Variants in ANKS1B observed in about 807,000 individuals in gnomAD.
ANKS1B encodes ankyrin repeat and sterile alpha motif domain-containing protein 1B.
Under a neutral mutation model 148.3 loss-of-function variants are expected in ANKS1B, and 36 were observed. That is an observed-to-expected ratio of 0.24 (90% confidence interval 0.19 to 0.32). The LOEUF (loss-of-function observed/expected upper bound fraction) is 0.32. Ranked by LOEUF, ANKS1B falls within the 10% of genes least tolerant of loss-of-function variation. ANKS1B has a pLI of 1.00. For synonymous variants in ANKS1B, 542 were observed against 560.8 expected (o/e 0.97, Z 0.47); for missense variants, 1,157 against 1,542.6 (o/e 0.75, Z 4.19).
At chr12:99,894,153 T>C (rs1221672610) in intron 1 of ANKS1B, among the ~76,000 whole-genome samples, 1 of 151,526 alleles carries the variant, frequency 6.6e-6, no homozygotes, top group Non-Finnish European at 1.5e-5. Flanking sequence ...GCGCAGTGAC[T>C]CACACCTATA....
chr12:99,153,507 T>C (rs1566487443), intron 15 of ANKS1B, among the ~76,000 whole-genome samples: 1 of 152,130 alleles, frequency 6.6e-6, no homozygotes, highest in Non-Finnish European at 1.5e-5. Context: ...TGGGAATGAT[T>C]AGAAAGCTGA....
At chr12:99,548,373 C>T (rs919078900) in intron 9 of ANKS1B, among the ~76,000 whole-genome samples, 2 of 98,044 alleles carry the variant, frequency 2.0e-5, no homozygotes, top group Non-Finnish European at 4.6e-5. Context: ...CTTTCTAATC[C>T]CCAACAGTTT....
intron 8 of ANKS1B, among the ~76,000 whole-genome samples, chr12:99,670,978 T>C (rs889943259): frequency 3.9e-5 from 6 of 152,208 alleles, no homozygotes; most frequent in African/African-American, 9.6e-5. Flanking sequence ...GGCACAATTT[T>C]CTACTTCTTA....
chr12:99,000,505 G>A (rs531279520), intron 17 of ANKS1B, among the ~76,000 whole-genome samples: 2 of 152,266 alleles, frequency 1.3e-5, no homozygotes, highest in East Asian at 3.9e-4. Flanking sequence ...CTGGCCTCAA[G>A]TGATCCTCCT....
intron 16 of ANKS1B, among the ~76,000 whole-genome samples, chr12:99,066,451 G>A (rs375499761): frequency 6.6e-6 from 1 of 152,300 alleles, no homozygotes; most frequent in African/African-American, 2.4e-5. Context: ...AAATAACAAG[G>A]AGACCAATGG....
chr12:98,759,250 T>C (rs960141695), intron 25 of ANKS1B, among the ~76,000 whole-genome samples: 1 of 152,200 alleles, frequency 6.6e-6, no homozygotes, highest in African/African-American at 2.4e-5. Context: ...AAGGCAATCA[T>C]GGATATTGAA....
At chr12:98,917,026 T>A (rs2099795327) in intron 17 of ANKS1B, among the ~76,000 whole-genome samples, 2 of 149,582 alleles carry the variant, frequency 1.3e-5, no homozygotes, top group South Asian at 4.2e-4. Context: ...AGTGGCACAA[T>A]CACAGCTCAC....
chr12:99,559,796 A>G (rs888179945), intron 9 of ANKS1B, among the ~76,000 whole-genome samples: 1 of 152,216 alleles, frequency 6.6e-6, no homozygotes, highest in Non-Finnish European at 1.5e-5. Context: ...ATCTCTGTGG[A>G]TGGTGAAGAT....
intron 17 of ANKS1B, among the ~76,000 whole-genome samples, chr12:98,879,001 G>A (rs1199513566): frequency 2.0e-5 from 3 of 152,226 alleles, no homozygotes; most frequent in Admixed American, 6.5e-5. Context: ...TACTGTCTGT[G>A]TGATTGGCGC....
chr12:99,273,894 AT>A (rs887887506), intron 12 of ANKS1B, among the ~76,000 whole-genome samples: 12 of 151,692 alleles, frequency 7.9e-5, no homozygotes, highest in African/African-American at 2.9e-4. Context: ...CTTTTTTGTG[AT>A]TTTTTTAAAG....
chr12:99,910,030 T>C (rs550708720), intron 1 of ANKS1B, among the ~76,000 whole-genome samples: 2 of 152,304 alleles, frequency 1.3e-5, no homozygotes, highest in Admixed American at 1.3e-4. Context: ...TATGAAGTAT[T>C]CTGCAAGCTG....
chr12:99,719,979 C>T (rs960839498), intron 8 of ANKS1B, among the ~76,000 whole-genome samples: 1 of 152,224 alleles, frequency 6.6e-6, no homozygotes, highest in Non-Finnish European at 1.5e-5. Context: ...TCTTCCCACA[C>T]AAGGCAAATG....
intron 1 of ANKS1B, among the ~76,000 whole-genome samples, chr12:99,899,638 T>C (rs925638554): frequency 6.6e-6 from 1 of 152,150 alleles, no homozygotes; most frequent in Non-Finnish European, 1.5e-5. Context: ...AAAAAAGTCA[T>C]CTCACTGTTA....
At chr12:99,090,649 T>C (rs2153644830) in intron 15 of ANKS1B, among the ~76,000 whole-genome samples, 1 of 152,274 alleles carries the variant, frequency 6.6e-6, no homozygotes, top group African/African-American at 2.4e-5. Context: ...ATAACATAAA[T>C]AGCATGGTAG....
intron 2 of ANKS1B, among the ~76,000 whole-genome samples, chr12:99,821,613 A>G (rs922979435): frequency 6.6e-6 from 1 of 151,970 alleles, no homozygotes; most frequent in African/African-American, 2.4e-5. Context: ...CCATTTTGGG[A>G]CAATATTACT....
At chr12:99,133,022 T>G (rs1191715473) in intron 15 of ANKS1B, among the ~76,000 whole-genome samples, 1 of 84,086 alleles carries the variant, frequency 1.2e-5, no homozygotes, top group Admixed American at 1.2e-4. Flanking sequence ...GGCAACATGG[T>G]TTTTTTTTTT....
chr12:99,470,175 T>C (rs1046293210), intron 10 of ANKS1B, among the ~76,000 whole-genome samples: 3 of 151,910 alleles, frequency 2.0e-5, no homozygotes, highest in African/African-American at 4.8e-5. Flanking sequence ...TTAATAAAAT[T>C]TCCTAAATTG....
chr12:99,563,658 A>T (rs1304525665), intron 9 of ANKS1B, among the ~76,000 whole-genome samples: 1 of 152,214 alleles, frequency 6.6e-6, no homozygotes, highest in African/African-American at 2.4e-5. Flanking sequence ...ATGAAAATTA[A>T]CAAAATGGAA....
chr12:98,823,738 C>G (rs769599963), intron 19 of ANKS1B, among the ~76,000 whole-genome samples: 1 of 152,254 alleles, frequency 6.6e-6, no homozygotes, highest in Non-Finnish European at 1.5e-5. Flanking sequence ...GTGCTCCGCC[C>G]GCTTTGGCCT....
Sources: gnomAD v4.1 joint callset for allele counts (sites outside exome capture counted in the v4.1 genomes callset) on GRCh38, gnomAD v4.1.1 for gene constraint, MANE v1.5 for transcripts, NCBI Gene and HGNC (gene_info 2026-07-23, HGNC 2026-07-21) for gene names.